The following TCF7 variants were observed in gnomAD, a reference collection of about 807,000 sequenced individuals.
TCF7 encodes transcription factor 7, also known as T-cell-factor-7.
Under a neutral mutation model 46.8 loss-of-function variants are expected in TCF7, and 19 were observed. The observed-to-expected ratio is 0.41, with a 90% CI of 0.28 to 0.60. TCF7 has a LOEUF of 0.60. Ranked by LOEUF, TCF7 falls within the 20% of genes least tolerant of loss-of-function variation. The pLI is 0.35. For synonymous variants in TCF7, 245 were observed against 213.4 expected, an observed-to-expected ratio of 1.15 and a Z score of -1.29; for missense variants, 547 against 504.6, an observed-to-expected ratio of 1.08 and a Z score of -0.81.
Position 134,146,416 on chromosome 5 carries a change from C to G in TCF7, c.*113C>G. On this transcript the variant is annotated 3_prime_UTR_variant, in exon 10 of 10. Coordinates refer to ENST00000342854, the MANE Select transcript of TCF7 (RefSeq NM_003202.5). ...AGCCGGCACCTACATCCCCAGGTCT[C>G]TCCACTGCTCTCAGCCTCCCAACCC... The G allele has an allele frequency of 7.7e-7, 1 of 1,297,850 alleles. No individual in the cohort carries two copies. Among genetic ancestry groups the G allele is most frequent in the Middle Eastern group, 1.8e-4 (1 of 5,476 alleles). The allele number at this position is 1,297,850 out of a possible 1,614,324, so 80.4% of individuals were successfully genotyped here. A position where few individuals can be genotyped will look rare whatever the true frequency, so the allele number is the denominator to read the frequency against.
At chr5:134,115,714 G>T in intron 2 of TCF7, 195 bp from the exon 3 acceptor site, 1 of 1,433,412 alleles carries the variant, frequency 7.0e-7, no homozygotes, top group South Asian at 1.5e-5. Flanking sequence ...GGTCAAGTAG[G>T]GGCCACCTCG....
chr5:134,141,975 A>G, intron 5 of TCF7: 1 of 533,974 alleles, frequency 1.9e-6, no homozygotes, highest in Non-Finnish European at 3.1e-6. Flanking sequence ...CTGAATGGCA[A>G]TCTATGTAGA....
In TCF7 at chr5:134,116,150, C is replaced by T. The variant is rs546290229; in HGVS notation, c.441+117C>T. On this transcript the variant is annotated intron_variant, in intron 3 of 9. Transcript: ENST00000342854. Reference sequence around the variant, plus strand: ...AAATAGACGAGACTCCTGTGCTGGTCTTTTCTCCCATACACACCCGGTGGG... The same window carrying T: ...AAATAGACGAGACTCCTGTGCTGGTTTTTTCTCCCATACACACCCGGTGGG... The T allele has an allele frequency of 2.4e-4, 351 of 1,451,038 alleles. 1 individual carries two copies. In the African/African-American group the frequency reaches 4.6e-3, roughly 19 times the overall value. 89.9% of individuals were successfully genotyped at this position (1,451,038 alleles called of 1,614,324 possible).
chr5:134,138,122 C>T lies in TCF7; in HGVS notation c.505C>T (p.Pro169Ser). 1.2e-6 allele frequency: 2 copies of T among 1,613,554 alleles called. No individual in the cohort carries two copies. The highest frequency in any genetic ancestry group is 1.7e-6 in the Non-Finnish European group (2 of 1,179,752). ...QLSLYEHFNS[P>S]HPTPAPADIS... ...CTCTCTCTACGAACATTTCAACAGC[C>T]CACATCCCACCCCTGCACCTGCGGA... Residue 169 changes from proline to serine, a missense_variant, in exon 4 of 10, where the codon CCA becomes TCA. By Grantham distance (74) the Pro-to-Ser change is moderately conservative. Transcript: ENST00000342854.
chr5:134,115,851 C>G, intron 2 of TCF7, 58 bp from the exon 3 acceptor site: 1 of 1,609,580 alleles, frequency 6.2e-7, no homozygotes, highest in Non-Finnish European at 8.5e-7. Flanking sequence ...GAGCAGACAG[C>G]CTTCAGTCCC....
upstream of TCF7, among the ~76,000 whole-genome samples, chr5:134,110,065 C>G (rs1755310638): frequency 6.6e-6 from 1 of 152,172 alleles, no homozygotes; most frequent in African/African-American, 2.4e-5. Context: ...GTGAGGGAAC[C>G]CCAAACCCAT....
Position 134,114,805 on chromosome 5 carries a change from GAGCTC to G in TCF7, c.-101_-97del. 5.2e-6 allele frequency: 5 copies of G among 970,246 alleles called. No homozygotes were observed. Among genetic ancestry groups the G allele is most frequent in the Non-Finnish European group, 6.1e-6 (5 of 818,150 alleles). The allele number at this position is 970,246 out of a possible 1,614,324, so 60.1% of individuals were successfully genotyped here. The stretch of plus-strand genomic sequence containing the variant: ...GCCCGCGCTCCGCCCGCCGCGATCC[GAGCTC>G]GGAGGTTCGGACTCCGGGCTCGCCG... On this transcript the variant is annotated 5_prime_UTR_variant, in exon 1 of 10. Transcript: ENST00000342854.
At chr5:134,112,007 T>C (rs1209268585), upstream of TCF7, among the ~76,000 whole-genome samples, 2 of 152,180 alleles carry the variant, frequency 1.3e-5, no homozygotes, top group Non-Finnish European at 2.9e-5. Flanking sequence ...GCCTGGCACA[T>C]AGTAATCACT....
At chr5:134,129,937 C>G (rs978955486) in intron 3 of TCF7, among the ~76,000 whole-genome samples, 2 of 152,236 alleles carry the variant, frequency 1.3e-5, no homozygotes, top group Non-Finnish European at 2.9e-5. Flanking sequence ...AGGGTGTGGC[C>G]TTGCCATCCC....
chr5:134,146,344 C>T lies in TCF7; in HGVS notation c.*41C>T. 6.2e-7 allele frequency: 1 copy of T among 1,607,670 alleles called. No homozygotes were observed. The highest frequency in any genetic ancestry group is 8.5e-7 in the Non-Finnish European group (1 of 1,174,200). On this transcript the variant is annotated 3_prime_UTR_variant, in exon 10 of 10. Coordinates refer to ENST00000342854, the MANE Select transcript of TCF7 (RefSeq NM_003202.5). Reference sequence around the variant, plus strand: ...CAGCTCCCCAGGACTCACCCTCATACCATCTGCTGCCCCGCTTCCCCACAG... The same window carrying T: ...CAGCTCCCCAGGACTCACCCTCATATCATCTGCTGCCCCGCTTCCCCACAG...
chr5:134,133,837 G>C (rs971435402), intron 3 of TCF7, among the ~76,000 whole-genome samples: 3 of 152,216 alleles, frequency 2.0e-5, no homozygotes, highest in African/African-American at 7.2e-5. Context: ...CTGATAGACA[G>C]AATGAGCCCA....
intron 3 of TCF7, among the ~76,000 whole-genome samples, chr5:134,118,794 T>A (rs1756185499): frequency 2.0e-5 from 3 of 152,130 alleles, no homozygotes. Flanking sequence ...TGTTTGTGTT[T>A]TTTTAGAGAC....
intron 3 of TCF7, among the ~76,000 whole-genome samples, chr5:134,116,644 TC>T (rs1199658431): frequency 6.6e-6 from 1 of 152,224 alleles, no homozygotes; most frequent in Non-Finnish European, 1.5e-5. Context: ...GTGCTACAAA[TC>T]AGTGATGTTG....
In TCF7 at chr5:134,143,650, T is replaced by C. The variant is rs377447380; in HGVS notation, c.1075+10T>C. 5.2e-5 allele frequency: 84 copies of C among 1,613,738 alleles called. No homozygotes were observed. The African/African-American group carries it at 9.3e-4, about 18-fold the overall frequency. On this transcript the variant is annotated intron_variant, in intron 9 of 9. Transcript: ENST00000342854. ...CAAGAATCCACCACAGGTGAGACCT[T>C]CTCTCAGCAGCAGTGGAGGCTCCTC...
intron 3 of TCF7, among the ~76,000 whole-genome samples, chr5:134,133,831 TAGAC>T (rs915758209): frequency 2.0e-5 from 3 of 152,180 alleles, no homozygotes; most frequent in Admixed American, 6.5e-5. Context: ...GGAAGGCTGA[TAGAC>T]AGAATGAGCC....
upstream of TCF7, among the ~76,000 whole-genome samples, chr5:134,109,770 C>CAAAAAAAAAAAA (rs59510685): frequency 1.6e-4 from 23 of 140,304 alleles, 1 homozygote; most frequent in African/African-American, 6.4e-4. Context: ...GGCTCCATCT[C>CAAAAAAAAAAAA]AAAAAAAAAA....
chr5:134,146,830 C>T lies in TCF7; in HGVS notation c.*527C>T, dbSNP rs966949599. ...AGCCTCTGCCTCCCTAGCTTTTCTGCTATAGGTCAGAGATGGGCTGAACTG... is the reference window on the plus strand; with the variant it reads ...AGCCTCTGCCTCCCTAGCTTTTCTGTTATAGGTCAGAGATGGGCTGAACTG... On this transcript the variant is annotated 3_prime_UTR_variant, in exon 10 of 10. Coordinates refer to ENST00000342854, the MANE Select transcript of TCF7 (RefSeq NM_003202.5). 7.2e-6 allele frequency: 3 copies of T among 416,352 alleles called. No individual in the cohort carries two copies. Among genetic ancestry groups the T allele is most frequent in the Non-Finnish European group, 8.7e-6 (2 of 231,108 alleles). The allele number at this position is 416,352 out of a possible 1,614,324, so 25.8% of individuals were successfully genotyped here. A position where few individuals can be genotyped will look rare whatever the true frequency, so the allele number is the denominator to read the frequency against.
At chr5:134,124,475 T>A (rs566877227) in intron 3 of TCF7, among the ~76,000 whole-genome samples, 1 of 152,248 alleles carries the variant, frequency 6.6e-6, no homozygotes, top group East Asian at 1.9e-4. Context: ...ATAGGGACTC[T>A]GGCCTGGGGT....
intron 3 of TCF7, among the ~76,000 whole-genome samples, chr5:134,116,395 A>G (rs1273763473): frequency 2.0e-5 from 3 of 152,234 alleles, no homozygotes; most frequent in East Asian, 1.9e-4. Context: ...GAGCTTTGCA[A>G]TTAACTTTCT....
Sources: allele counts gnomAD v4.1 joint callset (sites outside exome capture counted in the v4.1 genomes callset), GRCh38; gene constraint gnomAD v4.1.1; transcripts MANE v1.5; gene names NCBI Gene and HGNC (gene_info 2026-07-23, HGNC 2026-07-21).